The following AP2B1 variants were observed in gnomAD, a reference collection of about 807,000 sequenced individuals.
AP2B1 encodes AP-2 complex subunit beta.
In AP2B1, 23 loss-of-function variants were observed where a neutral mutation model predicts 102.0. The ratio of observed to expected loss-of-function variants is 0.23; its 90% CI spans 0.16 to 0.32. The LOEUF is 0.32. AP2B1 is among the 10% of genes least tolerant of loss of function. The pLI, the probability that AP2B1 is intolerant of heterozygous loss-of-function variation, is 1.00. For missense variants in AP2B1, 541 were observed against 1,157.4 expected, an observed-to-expected ratio of 0.47 and a Z score of 7.73; for synonymous variants, 381 against 421.2, an observed-to-expected ratio of 0.90 and a Z score of 1.17.
chr17:35,596,416 T>C (rs946812745), intron 2 of AP2B1, among the ~76,000 whole-genome samples: 2 of 152,284 alleles, frequency 1.3e-5, no homozygotes, highest in Middle Eastern at 3.4e-3. Flanking sequence ...TGGCCATGGA[T>C]ATTGAAACGA....
chr17:35,716,320 G>A (rs900555454), intron 20 of AP2B1, among the ~76,000 whole-genome samples: 13 of 152,332 alleles, frequency 8.5e-5, no homozygotes, highest in African/African-American at 3.1e-4. Context: ...CTCTGATACA[G>A]CAACATCTCA....
intron 5 of AP2B1, among the ~76,000 whole-genome samples, chr17:35,616,422 C>A (rs890637647): frequency 1.3e-5 from 2 of 152,080 alleles, no homozygotes; most frequent in African/African-American, 4.8e-5. Flanking sequence ...CCCGCCTCGG[C>A]CTCCCAAAGT....
Position 35,709,195 on chromosome 17 carries a change from C to T in AP2B1, c.2455-29C>T, listed in dbSNP as rs782187762. The T allele has an allele frequency of 1.9e-6, 3 of 1,605,970 alleles. No individual in the cohort carries two copies. The South Asian group carries it at 3.3e-5, about 18-fold the overall frequency. On this transcript the variant is annotated intron_variant, in intron 18 of 21. Coordinates refer to ENST00000610402, the MANE Select transcript of AP2B1 (RefSeq NM_001030006.2). ...CTCCTACCTGGCTCCCTGCGATGTC[C>T]TCATTTGACCTTGTTGCTTTCCTGG... is the stretch of plus-strand genomic sequence containing the variant.
intron 5 of AP2B1, among the ~76,000 whole-genome samples, chr17:35,613,128 GTGGC>G (rs759518851): frequency 4.0e-5 from 6 of 150,932 alleles, no homozygotes; most frequent in Non-Finnish European, 8.8e-5. Flanking sequence ...ACTCCACATG[GTGGC>G]AGCACTGCAC....
intron 12 of AP2B1, among the ~76,000 whole-genome samples, chr17:35,646,103 A>G (rs968120150): frequency 9.2e-5 from 14 of 152,198 alleles, no homozygotes; most frequent in Non-Finnish European, 2.1e-4. Flanking sequence ...GTTGATGCAC[A>G]TTATAGTTTA....
chr17:35,723,588 T>A (rs1245529879), intron 21 of AP2B1, 37 bp from the exon 22 acceptor site: 1 of 1,457,894 alleles, frequency 6.9e-7, no homozygotes, highest in East Asian at 2.3e-5. Context: ...AATGCCAACC[T>A]CTGTGCTAAT....
At chr17:35,689,828 C>T (rs925569956) in intron 18 of AP2B1, among the ~76,000 whole-genome samples, 10 of 152,292 alleles carry the variant, frequency 6.6e-5, no homozygotes, top group African/African-American at 2.4e-4. Flanking sequence ...ATTTACATTA[C>T]TTTAGAAAGT....
At chr17:35,697,112 ACT>A (rs763137940) in intron 18 of AP2B1, among the ~76,000 whole-genome samples, 106 of 152,280 alleles carry the variant, frequency 7.0e-4, no homozygotes, top group Non-Finnish European at 1.1e-3. Context: ...CTATCCTCTG[ACT>A]CTGATACAAT....
chr17:35,675,371 A>AT (rs2142976062), intron 17 of AP2B1, among the ~76,000 whole-genome samples: 1 of 152,338 alleles, frequency 6.6e-6, no homozygotes, highest in South Asian at 2.1e-4. Context: ...TGTCTGATTT[A>AT]TTTCTCATCA....
Position 35,688,271 on chromosome 17 carries a change from A to G in AP2B1, c.2454+5447A>G, listed in dbSNP as rs77176945. On this transcript the variant is annotated intron_variant, in intron 18 of 21. Coordinates refer to ENST00000610402, the MANE Select transcript of AP2B1 (RefSeq NM_001030006.2). ...CTATTCCATAGGTTTGAGCCTTTAC[A>G]TGTTTTTAAATGTCTGTTTTAGTCT... is the stretch of plus-strand genomic sequence containing the variant. Among the ~76,000 whole-genome samples, 141 of 152,216 alleles carry G rather than the reference A, an allele frequency of 9.3e-4. 4 individuals carry two copies. In the East Asian group the frequency reaches 0.018, roughly 20 times the overall value.
At chr17:35,720,545 T>TTTTATATATA (rs1402145369) in intron 21 of AP2B1, among the ~76,000 whole-genome samples, 4 of 54,376 alleles carry the variant, frequency 7.4e-5, no homozygotes, top group African/African-American at 3.3e-4. Flanking sequence ...TTTATTTTAT[T>TTTTATATATA]TATATATATA....
At chr17:35,698,043 T>C (rs587675110) in intron 18 of AP2B1, among the ~76,000 whole-genome samples, 1 of 152,332 alleles carries the variant, frequency 6.6e-6, no homozygotes. Context: ...TTTTCAGGTA[T>C]TCAAAACAGT....
rs1598380989 is a variant in AP2B1 at position 35,724,122 on chromosome 17, T to C, written c.*423T>C. 1 of 165,950 alleles carries C rather than the reference T, an allele frequency of 6.0e-6. No homozygotes were observed. The highest frequency in any genetic ancestry group is 1.6e-4 in the East Asian group (1 of 6,276). 10.3% of individuals were successfully genotyped at this position (165,950 alleles called of 1,614,324 possible). ...CTTTACTGTTTTATACTTTTGTACA[T>C]ATGAGAAATCAAGGGATTAGTGCAA... On this transcript the variant is annotated 3_prime_UTR_variant, in exon 22 of 22. Coordinates refer to ENST00000610402, the MANE Select transcript of AP2B1 (RefSeq NM_001030006.2).
intron 18 of AP2B1, among the ~76,000 whole-genome samples, chr17:35,700,251 G>A (rs1333760798): frequency 6.6e-6 from 1 of 151,662 alleles, no homozygotes; most frequent in East Asian, 2.0e-4. Flanking sequence ...CATAGTTGGA[G>A]TAAGTACCAT....
chr17:35,619,951 A>G (rs575676060), intron 5 of AP2B1, among the ~76,000 whole-genome samples: 3 of 151,872 alleles, frequency 2.0e-5, no homozygotes, highest in Non-Finnish European at 4.4e-5. Flanking sequence ...TGCCTGGCTA[A>G]TTTTTGGTAT....
At chr17:35,622,100 T>A (rs971574555) in intron 5 of AP2B1, among the ~76,000 whole-genome samples, 1 of 152,250 alleles carries the variant, frequency 6.6e-6, no homozygotes, top group Non-Finnish European at 1.5e-5. Context: ...TCTCTCTTTA[T>A]GGCTTTTCTC....
At chr17:35,723,461 T>C (rs1555593885) in intron 21 of AP2B1, among the ~76,000 whole-genome samples, 164 bp from the exon 22 acceptor site, 1 of 152,244 alleles carries the variant, frequency 6.6e-6, no homozygotes, top group East Asian at 1.9e-4. Flanking sequence ...ATTGAAATGC[T>C]AAAACCCACA....
intron 17 of AP2B1, among the ~76,000 whole-genome samples, chr17:35,678,213 T>C (rs2075743273): frequency 1.3e-5 from 2 of 152,176 alleles, no homozygotes; most frequent in South Asian, 4.1e-4. Flanking sequence ...TATAGAAATA[T>C]AATTGATTTT....
Position 35,723,817 on chromosome 17 carries a change from A to G in AP2B1, c.*118A>G. ...ACACACTGAGGCCACCTAGCAAGGT[A>G]GTAACTAGTCTAACCTGTGCTAACA... On this transcript the variant is annotated 3_prime_UTR_variant, in exon 22 of 22. Coordinates refer to ENST00000610402, the MANE Select transcript of AP2B1 (RefSeq NM_001030006.2). 2 of 732,434 alleles carry G rather than the reference A, an allele frequency of 2.7e-6. No individual in the cohort carries two copies. Among genetic ancestry groups the G allele is most frequent in the East Asian group, 2.5e-5 (1 of 40,262 alleles). The allele number at this position is 732,434 out of a possible 1,614,324, so 45.4% of individuals were successfully genotyped here. A position where few individuals can be genotyped will look rare whatever the true frequency, so the allele number is the denominator to read the frequency against.
Sources: allele counts gnomAD v4.1 joint callset (sites outside exome capture counted in the v4.1 genomes callset), GRCh38; gene constraint gnomAD v4.1.1; transcripts MANE v1.5; gene names NCBI Gene and HGNC (gene_info 2026-07-23, HGNC 2026-07-21).